Variants in STK38 observed in about 807,000 individuals in gnomAD.
STK38 encodes the protein serine/threonine-protein kinase 38.
A neutral mutation model predicts 59.0 loss-of-function variants in STK38; 26 were observed. The ratio of observed to expected loss-of-function variants is 0.44; its 90% CI spans 0.32 to 0.61. The LOEUF is 0.61. Among genes scored for constraint, STK38 ranks in the 20% least tolerant of loss-of-function variants. The probability of loss-of-function intolerance (pLI) is 0.04; values close to 1 mark genes in which losing one functional copy is unlikely to be tolerated. For synonymous variants in STK38, 175 were observed against 176.6 expected, an observed-to-expected ratio of 0.99 and a Z score of 0.07; for missense variants, 433 against 566.0, an observed-to-expected ratio of 0.76 and a Z score of 2.38.
At chr6:36,506,449 C>T in intron 9 of STK38, 134 bp downstream of exon 9, 1 of 862,554 alleles carries the variant, frequency 1.2e-6, no homozygotes, top group Non-Finnish European at 1.8e-6. Context: ...AACCTAACAA[C>T]AGCACTCTCT....
At chr6:36,517,170 C>G (rs62402203) in intron 6 of STK38, among the ~76,000 whole-genome samples, 4 of 152,068 alleles carry the variant, frequency 2.6e-5, no homozygotes, top group Admixed American at 6.6e-5. Context: ...AAACAGACTG[C>G]TTTCCTCAGA....
chr6:36,517,601 T>C, intron 6 of STK38, 116 bp downstream of exon 6: 1 of 1,384,294 alleles, frequency 7.2e-7, no homozygotes, highest in South Asian at 1.5e-5. Flanking sequence ...TAAAAAAGGA[T>C]ATAGAAAGCA....
chr6:36,500,758 CAAA>C (rs753008721), intron 9 of STK38, among the ~76,000 whole-genome samples: 4 of 58,426 alleles, frequency 6.8e-5, no homozygotes, highest in African/African-American at 2.5e-4. Context: ...GACTCTGTCT[CAAA>C]AAAAAAAAAA....
chr6:36,539,590 G>C (rs541647235), intron 2 of STK38, among the ~76,000 whole-genome samples: 27 of 152,000 alleles, frequency 1.8e-4, no homozygotes, highest in Non-Finnish European at 3.1e-4. Context: ...TTCCTGATGA[G>C]GGAACCAATT....
At chr6:36,501,461 C>A (rs1388462632) in intron 9 of STK38, among the ~76,000 whole-genome samples, 1 of 151,266 alleles carries the variant, frequency 6.6e-6, no homozygotes, top group Admixed American at 6.6e-5. Flanking sequence ...ATATTACAAA[C>A]ATACAGAAAA....
chr6:36,526,220 G>GT (rs60509165), intron 2 of STK38, among the ~76,000 whole-genome samples: 4,620 of 130,404 alleles, frequency 0.035, 123 homozygotes, highest in Non-Finnish European at 0.058. Flanking sequence ...GGTTTTGGGT[G>GT]TTTTTTTTTT....
chr6:36,540,597 T>C (rs1370178451), intron 1 of STK38, among the ~76,000 whole-genome samples: 1 of 152,192 alleles, frequency 6.6e-6, no homozygotes, highest in East Asian at 1.9e-4. Context: ...AGAAGCAACT[T>C]TACCTGTACC....
intron 7 of STK38, among the ~76,000 whole-genome samples, chr6:36,509,586 G>A (rs140290381): frequency 1.6e-4 from 24 of 148,726 alleles, no homozygotes; most frequent in African/African-American, 3.7e-4. Flanking sequence ...AAATCGAGGC[G>A]CAGGACTGCT....
At chr6:36,511,281 G>C (rs1777101772) in intron 7 of STK38, among the ~76,000 whole-genome samples, 2 of 151,850 alleles carry the variant, frequency 1.3e-5, no homozygotes, top group Non-Finnish European at 2.9e-5. Context: ...ATGTGTGTAT[G>C]TACATATGTA....
chr6:36,503,140 G>A (rs982542076), intron 9 of STK38, among the ~76,000 whole-genome samples: 2 of 152,158 alleles, frequency 1.3e-5, no homozygotes, highest in African/African-American at 4.8e-5. Context: ...GCTGTAGGGT[G>A]TACACATGAA....
chr6:36,541,785 T>G (rs1454521631), intron 1 of STK38, among the ~76,000 whole-genome samples: 3 of 152,110 alleles, frequency 2.0e-5, no homozygotes, highest in African/African-American at 4.8e-5. Context: ...GTAGTGGGAA[T>G]AGAAAATGTT....
intron 2 of STK38, among the ~76,000 whole-genome samples, chr6:36,527,255 T>G (rs543297501): frequency 6.8e-6 from 1 of 146,010 alleles, no homozygotes; most frequent in Non-Finnish European, 1.5e-5. Context: ...CATGTATACA[T>G]ATGTATATAT....
intron 4 of STK38, 62 bp from the exon 5 acceptor site, chr6:36,521,879 G>C (rs1777385773): frequency 1.5e-6 from 2 of 1,326,366 alleles, no homozygotes. Context: ...ATGCTTTCAT[G>C]TGTTATAGGA....
intron 2 of STK38, among the ~76,000 whole-genome samples, chr6:36,539,522 CAT>C (rs1777880593): frequency 1.3e-5 from 2 of 152,198 alleles, no homozygotes; most frequent in African/African-American, 2.4e-5. Context: ...TACATACTCA[CAT>C]ATGTTATATC....
chr6:36,529,544 C>T (rs1777616818), intron 2 of STK38, among the ~76,000 whole-genome samples: 1 of 152,150 alleles, frequency 6.6e-6, no homozygotes, highest in Non-Finnish European at 1.5e-5. Context: ...GAGACGAAGC[C>T]ACTTTCACAC....
chr6:36,516,699 A>G (rs1777262633), intron 6 of STK38, among the ~76,000 whole-genome samples: 1 of 152,202 alleles, frequency 6.6e-6, no homozygotes, highest in South Asian at 2.1e-4. Context: ...ATACGGCCTT[A>G]GTTCTGTGGC....
intron 1 of STK38, among the ~76,000 whole-genome samples, chr6:36,546,806 A>C (rs1778062892): frequency 1.3e-5 from 2 of 152,116 alleles, no homozygotes. Context: ...CAGTTCACAG[A>C]CCCCAGAAGA....
chr6:36,497,940 T>A (rs1041445692), intron 11 of STK38, 65 bp from the exon 12 acceptor site: 11 of 211,924 alleles, frequency 5.2e-5, no homozygotes, highest in East Asian at 3.8e-4. Flanking sequence ...AAAACTTTCT[T>A]TTTTTTTTTT....
At chr6:36,541,806 G>A (rs376239366) in intron 1 of STK38, among the ~76,000 whole-genome samples, 2 of 150,448 alleles carry the variant, frequency 1.3e-5, no homozygotes, top group East Asian at 2.0e-4. Context: ...ATTCTTGCTT[G>A]TGCTTTTTCC....
Sources: allele counts gnomAD v4.1 joint callset (sites outside exome capture counted in the v4.1 genomes callset), GRCh38; gene constraint gnomAD v4.1.1; transcripts MANE v1.5; gene names NCBI Gene and HGNC (gene_info 2026-07-23, HGNC 2026-07-21).